Variants in MAGED1 observed in about 807,000 individuals in gnomAD.
MAGED1 encodes the protein MAGE family member D1, also known as melanoma-associated antigen D1.
MAGED1 carries 3 observed loss-of-function variants against 54.1 expected under a neutral mutation model. The observed-to-expected ratio is 0.06, with a 90% CI of 0.03 to 0.14. The LOEUF is 0.14. MAGED1 is among the 10% of genes least tolerant of loss of function. MAGED1 has a pLI of 1.00. For synonymous variants in MAGED1, 217 were observed against 227.3 expected (o/e 0.95, Z 0.41); for missense variants, 485 against 623.4 (o/e 0.78, Z 2.36).
At chrX:51,900,108 G>A in intron 10 of MAGED1, 74 bp from the exon 11 acceptor site, 1 of 654,735 alleles carries the variant, frequency 1.5e-6, no homozygotes, top group South Asian at 2.4e-5. Flanking sequence ...GTTAAAAAAT[G>A]TAAGATTATT....
intron 1 of MAGED1, among the ~76,000 whole-genome samples, chrX:51,818,098 A>G (rs782469263): frequency 5.4e-5 from 6 of 111,662 alleles, no homozygotes; most frequent in African/African-American, 2.0e-4. Flanking sequence ...GCGCTTCACC[A>G]TAGAGGTTTT....
chrX:51,873,050 A>C (rs369266994), intron 1 of MAGED1, among the ~76,000 whole-genome samples: 1 of 109,443 alleles, frequency 9.1e-6, no homozygotes, highest in East Asian at 2.8e-4. Flanking sequence ...ATTGTCAAAA[A>C]AAAAAAAATA....
intron 1 of MAGED1, among the ~76,000 whole-genome samples, chrX:51,855,671 G>A (rs1927057833): frequency 9.0e-6 from 1 of 110,847 alleles, no homozygotes; most frequent in African/African-American, 3.3e-5. Flanking sequence ...GATTGCAGGT[G>A]CCCACCACCA....
At chrX:51,860,463 G>A (rs1447096228) in intron 1 of MAGED1, among the ~76,000 whole-genome samples, 1 of 111,539 alleles carries the variant, frequency 9.0e-6, no homozygotes, top group Non-Finnish European at 1.9e-5. Flanking sequence ...GGAGAAGAAG[G>A]AATCAAGGAT....
At position 51,811,419 on chromosome X, in the gene MAGED1, A is replaced by T. The variant is rs782294747; in HGVS notation, c.-37+8302A>T. Among the ~76,000 whole-genome samples the T allele has an allele frequency of 6.2e-5, 7 of 112,142 alleles. No individual in the cohort carries two copies. The East Asian group carries it at 1.7e-3, about 27-fold the overall frequency. On this transcript the variant is annotated intron_variant, in intron 1 of 12. Coordinates refer to the MAGED1 transcript ENST00000375772. ...TATCCATCTGACAGATACTGCATGAATAGTATGTTAAACACAGGTTTGTGG... is the reference window on the plus strand; with the variant it reads ...TATCCATCTGACAGATACTGCATGATTAGTATGTTAAACACAGGTTTGTGG...
chrX:51,901,049 A>G (rs1928999465), intron 11 of MAGED1, among the ~76,000 whole-genome samples: 1 of 112,520 alleles, frequency 8.9e-6, no homozygotes, highest in African/African-American at 3.2e-5. Context: ...TTAACTCTCC[A>G]TAGCCTCATA....
chrX:51,861,420 A>G (rs1557360662), intron 1 of MAGED1, among the ~76,000 whole-genome samples: 1 of 111,840 alleles, frequency 8.9e-6, no homozygotes, highest in African/African-American at 3.2e-5. Flanking sequence ...TCTAAATACC[A>G]TTATTTCATG....
At chrX:51,814,411 G>A (rs782200896) in intron 1 of MAGED1, among the ~76,000 whole-genome samples, 1 of 111,657 alleles carries the variant, frequency 9.0e-6, no homozygotes, top group East Asian at 2.8e-4. Flanking sequence ...CATGGAGAAA[G>A]GGGTAATTCA....
chrX:51,898,201 G>T lies in MAGED1; in HGVS notation c.1738+8G>T. 1 of 1,210,080 alleles carries T rather than the reference G, an allele frequency of 8.3e-7. No homozygotes were observed. The highest frequency in any genetic ancestry group is 1.1e-6 in the Non-Finnish European group (1 of 893,950). The stretch of plus-strand genomic sequence containing the variant: ...GCAACCGTGCCAGTGAGGGTGAGTG[G>T]CTGGACCTGCAGCTGGGGGTTGGCC... On this transcript the variant is annotated splice_region_variant and intron_variant, in intron 8 of 12. Coordinates refer to ENST00000326587, the MANE Select transcript of MAGED1 (RefSeq NM_006986.4).
At chrX:51,865,595 G>A (rs1488334221) in intron 1 of MAGED1, among the ~76,000 whole-genome samples, 4 of 111,484 alleles carry the variant, frequency 3.6e-5, no homozygotes, top group Non-Finnish European at 5.7e-5. Flanking sequence ...ACCTTGTCTT[G>A]TATCTCATTG....
At chrX:51,844,596 T>C (rs1602231609) in intron 1 of MAGED1, among the ~76,000 whole-genome samples, 1 of 112,032 alleles carries the variant, frequency 8.9e-6, no homozygotes, top group Non-Finnish European at 1.9e-5. Context: ...CTCTGATCTC[T>C]GCAGCATCTT....
At chrX:51,887,660 C>T (rs1203528399) in intron 1 of MAGED1, among the ~76,000 whole-genome samples, 4 of 109,727 alleles carry the variant, frequency 3.6e-5, no homozygotes, top group Non-Finnish European at 7.6e-5. Context: ...GCCCCCTCCC[C>T]GCTGCCAAAT....
rs189599802 is a variant in MAGED1 at position 51,822,772 on chromosome X, T to C, written c.-37+19655T>C. 3.1e-4 allele frequency among the ~76,000 whole-genome samples: 34 copies of C among 111,456 alleles called. No homozygotes were observed. The Admixed American group carries it at 3.3e-3, about 11-fold the overall frequency. ...TTATTGTGTTTATATTCATAAGGGA[T>C]ATTGTAATATAGTTATTACAACTAT... On this transcript the variant is annotated intron_variant, in intron 1 of 12. Transcript: ENST00000375772.
intron 1 of MAGED1, among the ~76,000 whole-genome samples, chrX:51,826,906 T>C (rs1301431419): frequency 8.9e-6 from 1 of 112,657 alleles, no homozygotes; most frequent in African/African-American, 3.2e-5. Flanking sequence ...TGAAAACTTA[T>C]GTCTACACAA....
chrX:51,860,855 C>G (rs1316799439), intron 1 of MAGED1, among the ~76,000 whole-genome samples: 1 of 110,770 alleles, frequency 9.0e-6, no homozygotes, highest in African/African-American at 3.3e-5. Flanking sequence ...AGAGGAGATA[C>G]AGCATTCTTG....
chrX:51,841,691 G>A (rs1251694709), intron 1 of MAGED1, among the ~76,000 whole-genome samples: 1 of 111,334 alleles, frequency 9.0e-6, no homozygotes, highest in Non-Finnish European at 1.9e-5. Flanking sequence ...ATTAAATAGG[G>A]AATCCTTTCC....
chrX:51,856,229 T>G (rs1927078402), intron 1 of MAGED1, among the ~76,000 whole-genome samples: 1 of 112,581 alleles, frequency 8.9e-6, no homozygotes, highest in South Asian at 3.7e-4. Flanking sequence ...TAAGTAGTTT[T>G]GTACATGGAT....
At chrX:51,831,980 A>G (rs1557357502) in intron 1 of MAGED1, among the ~76,000 whole-genome samples, 1 of 112,068 alleles carries the variant, frequency 8.9e-6, no homozygotes, top group Admixed American at 9.5e-5. Flanking sequence ...AGTGTTTATC[A>G]TTTGTGTTAG....
At chrX:51,873,485 A>T (rs1927759106) in intron 1 of MAGED1, among the ~76,000 whole-genome samples, 1 of 106,457 alleles carries the variant, frequency 9.4e-6, no homozygotes, top group African/African-American at 3.4e-5. Flanking sequence ...AGTCAGAGAG[A>T]GTCATGTGAA....
Sources: gnomAD v4.1 joint callset for allele counts (sites outside exome capture counted in the v4.1 genomes callset) on GRCh38, gnomAD v4.1.1 for gene constraint, MANE v1.5 for transcripts, NCBI Gene and HGNC (gene_info 2026-07-23, HGNC 2026-07-21) for gene names.